Variants in HMCN2 observed in about 807,000 individuals in gnomAD.
HMCN2 encodes hemicentin 2.
A neutral mutation model predicts 377.5 loss-of-function variants in HMCN2; 325 were observed. That is an observed-to-expected ratio of 0.86 (90% CI 0.79 to 0.94). HMCN2 has a LOEUF of 0.94. Among genes scored for constraint, HMCN2 ranks in the 40% least tolerant of loss-of-function variants. The pLI is 0.00. For missense variants in HMCN2, 4,543 were observed against 4,725.3 expected, an observed-to-expected ratio of 0.96 and a Z score of 1.13; for synonymous variants, 2,007 against 2,046.8, an observed-to-expected ratio of 0.98 and a Z score of 0.53.
At chr9:130,343,941 C>T (rs1389033011) in intron 25 of HMCN2, among the ~76,000 whole-genome samples, 3 of 152,238 alleles carry the variant, frequency 2.0e-5, no homozygotes, top group African/African-American at 2.4e-5. Flanking sequence ...TGGGGTGGGG[C>T]GTGAAGGCCC....
chr9:130,370,924 C>T (rs891583572), intron 45 of HMCN2, 40 bp from the exon 46 acceptor site: 2 of 983,712 alleles, frequency 2.0e-6, no homozygotes, highest in African/African-American at 1.7e-5. Flanking sequence ...GCACACAGCC[C>T]ATATCTGCAC....
At chr9:130,417,861 G>A (rs958226023) in intron 85 of HMCN2, among the ~76,000 whole-genome samples, 10 of 152,352 alleles carry the variant, frequency 6.6e-5, no homozygotes, top group African/African-American at 1.4e-4. Flanking sequence ...GCTGAAGCAC[G>A]TTGCATTTCC....
At chr9:130,378,472 A>C (rs1841516219) in intron 53 of HMCN2, among the ~76,000 whole-genome samples, 1 of 56,980 alleles carries the variant, frequency 1.8e-5, no homozygotes, top group Non-Finnish European at 3.5e-5. Flanking sequence ...GCTGGGAGGC[A>C]GGGAGCTGGG....
Position 130,355,981 on chromosome 9 carries a change from C to A in HMCN2, c.5256-107C>A, listed in dbSNP as rs542657973. 4.2e-5 allele frequency: 39 copies of A among 921,370 alleles called. No homozygotes were observed. In the South Asian group the frequency reaches 5.4e-4, roughly 13 times the overall value. The allele number at this position is 921,370 out of a possible 1,614,324, so 57.1% of individuals were successfully genotyped here. On this transcript the variant is annotated intron_variant, in intron 33 of 97. Coordinates refer to ENST00000683500, the MANE Select transcript of HMCN2 (RefSeq NM_001291815.2). ...GGAGTAGGAAAGAGGCCTGGAGCCA[C>A]GGCTGGTGAGAGCAGGTGGGAGGAA...
intron 84 of HMCN2, 154 bp from the exon 85 acceptor site, chr9:130,410,417 G>A (rs933072086): frequency 1.1e-5 from 7 of 611,402 alleles, no homozygotes; most frequent in African/African-American, 1.8e-5. Context: ...GGTCACAGAG[G>A]CCCTTCTGAT....
Position 130,427,653 on chromosome 9 carries a change from G to C in HMCN2, c.14065+34G>C. ...GCTGCCGGGAGGAGGGAGGAGACGC[G>C]CTCCTCAGACCTGACCCAGGTGTGC... On this transcript the variant is annotated intron_variant, in intron 92 of 97. Transcript: ENST00000683500. The C allele has an allele frequency of 2.6e-6, 4 of 1,539,330 alleles. No homozygotes were observed. The South Asian group carries it at 4.9e-5, about 19-fold the overall frequency.
intron 4 of HMCN2, among the ~76,000 whole-genome samples, chr9:130,288,904 C>T (rs1322147769): frequency 6.6e-6 from 1 of 152,192 alleles, no homozygotes; most frequent in Non-Finnish European, 1.5e-5. Flanking sequence ...GACAGGGGAT[C>T]ATGTCAGAGG....
intron 29 of HMCN2, among the ~76,000 whole-genome samples, chr9:130,349,992 G>C (rs1031684415): frequency 7.5e-6 from 1 of 134,056 alleles, no homozygotes; most frequent in African/African-American, 2.7e-5. Flanking sequence ...CAAACTCCTG[G>C]GCTTCTTGGG....
intron 54 of HMCN2, 106 bp downstream of exon 54, chr9:130,379,573 A>G (rs1841587381): frequency 2.7e-6 from 1 of 376,012 alleles, no homozygotes; most frequent in South Asian, 1.1e-4. Context: ...CTTAGCTGCA[A>G]TTTGTAAACT....
Position 130,395,198 on chromosome 9 carries a change from A to G in HMCN2, c.10775-13A>G. ...TCCCCCTCTCATATCCTCTTGTGCC[A>G]CCCCCTTCCCAGCCCCTCCAAACAT... On this transcript the variant is annotated splice_polypyrimidine_tract_variant and intron_variant, in intron 70 of 97. Coordinates refer to ENST00000683500, the MANE Select transcript of HMCN2 (RefSeq NM_001291815.2). 2 of 1,286,040 alleles carry G rather than the reference A, an allele frequency of 1.6e-6. No individual in the cohort carries two copies. The highest frequency in any genetic ancestry group is 2.0e-6 in the Non-Finnish European group (2 of 987,150). The allele number at this position is 1,286,040 out of a possible 1,614,324, so 79.7% of individuals were successfully genotyped here.
intron 6 of HMCN2, among the ~76,000 whole-genome samples, chr9:130,296,294 A>G (rs1427042508): frequency 6.6e-6 from 1 of 152,204 alleles, no homozygotes; most frequent in Non-Finnish European, 1.5e-5. Flanking sequence ...TAGGTGTTGC[A>G]GGTAAAGTGG....
chr9:130,401,400 T>G (rs1842849327), intron 77 of HMCN2, among the ~76,000 whole-genome samples: 2 of 152,170 alleles, frequency 1.3e-5, no homozygotes, highest in Admixed American at 1.3e-4. Flanking sequence ...CTCCGCTCAC[T>G]GCAGCCTCCA....
intron 15 of HMCN2, among the ~76,000 whole-genome samples, chr9:130,312,030 G>A (rs1020354793): frequency 4.6e-5 from 7 of 152,222 alleles, no homozygotes; most frequent in Non-Finnish European, 1.0e-4. Flanking sequence ...ACATTTTGTT[G>A]CTGGCTCATG....
At chr9:130,415,226 A>G (rs569290867) in intron 85 of HMCN2, among the ~76,000 whole-genome samples, 3 of 152,354 alleles carry the variant, frequency 2.0e-5, no homozygotes, top group Admixed American at 2.0e-4. Flanking sequence ...AAATCTTATC[A>G]TACTGAAACT....
Position 130,296,784 on chromosome 9 carries a change from G to A in HMCN2, c.1002G>A (p.Trp334Ter). ...TGGACCTCAACCACACCCTCGAGTG[G>A]CCCTTGCAAGGTACAGTACCCCGAC... ...PLLDLNHTLE[W>*]PLQGVPISLV... The change falls in exon 7 of 98, where the codon TGG (tryptophan) becomes TGA (stop). Residue 334 changes from tryptophan to a stop codon, truncating the protein, a stop_gained. Transcript: ENST00000683500. LOFTEE classifies it high-confidence loss of function. 1 of 471,168 alleles carries A rather than the reference G, an allele frequency of 2.1e-6. No homozygotes were observed. 29.2% of individuals were successfully genotyped at this position (471,168 alleles called of 1,614,324 possible).
rs1844932874 is a variant in HMCN2 at position 130,433,954 on chromosome 9, TCC to T, written c.*262_*263del. 1 of 393,868 alleles carries T rather than the reference TCC, an allele frequency of 2.5e-6. No individual in the cohort carries two copies. The highest frequency in any genetic ancestry group is 2.1e-5 in the African/African-American group (1 of 47,038). The allele number at this position is 393,868 out of a possible 1,614,324, so 24.4% of individuals were successfully genotyped here. A position where few individuals can be genotyped will look rare whatever the true frequency, so the allele number is the denominator to read the frequency against. On this transcript the variant is annotated 3_prime_UTR_variant, in exon 98 of 98. Transcript: ENST00000683500. ...GGCCCGGGGAAGCCCGGATCAGACCTCCAGGTCTGATCCGCCCCTCAGTGGGA... is the reference window on the plus strand; with the variant it reads ...GGCCCGGGGAAGCCCGGATCAGACCTAGGTCTGATCCGCCCCTCAGTGGGA...
chr9:130,279,255 A>G (rs1233159371), intron 1 of HMCN2, among the ~76,000 whole-genome samples: 1 of 152,068 alleles, frequency 6.6e-6, no homozygotes, highest in Non-Finnish European at 1.5e-5. Flanking sequence ...CTTGCCCCAG[A>G]TCTTCCCCCC....
chr9:130,323,479 G>A (rs929162864), intron 19 of HMCN2, among the ~76,000 whole-genome samples: 119 of 152,328 alleles, frequency 7.8e-4, no homozygotes, highest in African/African-American at 2.6e-3. Context: ...CAGAAGGGAC[G>A]ACCAGGGAAC....
chr9:130,395,088 G>T lies in HMCN2; in HGVS notation c.10754G>T (p.Ser3585Ile), dbSNP rs1402695960. 2.4e-6 allele frequency: 3 copies of T among 1,273,314 alleles called. No homozygotes were observed. Among genetic ancestry groups the T allele is most frequent in the East Asian group, 1.2e-4 (2 of 17,352 alleles). 78.9% of individuals were successfully genotyped at this position (1,273,314 alleles called of 1,614,324 possible). Residue 3585 changes from serine to isoleucine, a missense_variant, in exon 70 of 98, where the codon AGC (serine) becomes ATC (isoleucine). Transcript: ENST00000683500. ...AGCCCTGCAGGTGCAATTGAGAAGA[G>T]CTTCCGGGTCAGGGTTCAAGGTAGG... is the stretch of plus-strand genomic sequence containing the variant. Reference protein sequence around the residue: ...AESPAGAIEKSFRVRVQAPPN... With the variant: ...AESPAGAIEKIFRVRVQAPPN...
Sources: allele counts gnomAD v4.1 joint callset (sites outside exome capture counted in the v4.1 genomes callset), GRCh38; gene constraint gnomAD v4.1.1; transcripts MANE v1.5; gene names NCBI Gene and HGNC (gene_info 2026-07-23, HGNC 2026-07-21).